Variants in NCKAP5 observed in about 807,000 individuals in gnomAD.
The protein encoded by NCKAP5 is nck-associated protein 5.
NCKAP5 carries 92 observed loss-of-function variants against 167.0 expected under a neutral mutation model. The ratio of observed to expected loss-of-function variants is 0.55; its 90% CI spans 0.47 to 0.66. The LOEUF is 0.66. Among genes scored for constraint, NCKAP5 ranks in the 30% least tolerant of loss-of-function variants. The pLI, the probability that NCKAP5 is intolerant of heterozygous loss-of-function variation, is 0.00. For synonymous variants in NCKAP5, 891 were observed against 877.4 expected (o/e 1.02, Z -0.27); for missense variants, 2,378 against 2,315.0 (o/e 1.03, Z -0.56).
chr2:133,631,836 G>A, the NCKAP5 span, among the ~76,000 whole-genome samples: 1 of 152,200 alleles, frequency 6.6e-6, no homozygotes, highest in Admixed American at 6.5e-5. Context: ...AATAGTAAAT[G>A]AAAACTGAAG....
chr2:132,696,554 G>A (rs1363673238), intron 19 of NCKAP5, among the ~76,000 whole-genome samples: 1 of 152,128 alleles, frequency 6.6e-6, no homozygotes, highest in Non-Finnish European at 1.5e-5. Context: ...ATGGTGAGAG[G>A]TTCAGCCAAG....
intron 11 of NCKAP5, among the ~76,000 whole-genome samples, chr2:132,848,493 T>A (rs1266299152): frequency 6.6e-6 from 1 of 152,214 alleles, no homozygotes; most frequent in Non-Finnish European, 1.5e-5. Flanking sequence ...GCAAGGCTTA[T>A]TGGAACACAT....
At chr2:133,017,791 A>T (rs375748299) in intron 6 of NCKAP5, among the ~76,000 whole-genome samples, 1 of 151,270 alleles carries the variant, frequency 6.6e-6, no homozygotes, top group African/African-American at 2.4e-5. Context: ...CACAAAAGAG[A>T]TTTCCCTGGA....
chr2:133,666,186 C>CTTTTTTTTTT, the NCKAP5 span, among the ~76,000 whole-genome samples: 40 of 114,120 alleles, frequency 3.5e-4, no homozygotes, highest in Non-Finnish European at 4.3e-4. Flanking sequence ...GATCTACATC[C>CTTTTTTTTTT]TTTTTTTTTT....
chr2:132,873,256 A>G (rs1350380280), intron 9 of NCKAP5, among the ~76,000 whole-genome samples: 1 of 151,810 alleles, frequency 6.6e-6, no homozygotes, highest in Non-Finnish European at 1.5e-5. Flanking sequence ...GGCGCCCACC[A>G]CCATGCCCAG....
intron 6 of NCKAP5, among the ~76,000 whole-genome samples, chr2:133,016,820 A>T (rs2078354940): frequency 6.6e-6 from 1 of 151,362 alleles, no homozygotes; most frequent in East Asian, 1.9e-4. Context: ...TTCCTCACTA[A>T]AAAAAAAATG....
chr2:132,747,179 A>AAAC (rs1553488478), intron 16 of NCKAP5, among the ~76,000 whole-genome samples: 13 of 152,112 alleles, frequency 8.5e-5, no homozygotes, highest in East Asian at 7.7e-4. Context: ...GCCAAAAAAA[A>AAAC]AAAACAAAAC....
intron 3 of NCKAP5, among the ~76,000 whole-genome samples, chr2:133,418,812 A>T (rs181449344): frequency 7.9e-4 from 120 of 152,338 alleles, no homozygotes; most frequent in African/African-American, 2.2e-3. Context: ...AGTCTTAAAG[A>T]ACTTTTGAAA....
At position 132,781,002 on chromosome 2, in the gene NCKAP5, C is replaced by T. The variant is rs1253088598; in HGVS notation, c.5049+50G>A. The T allele has an allele frequency of 1.9e-6, 3 of 1,573,038 alleles. No homozygotes were observed. In the Admixed American group the frequency reaches 5.4e-5, roughly 28 times the overall value. ...TAGCAAACGGTAGAAAGACCCCAGC[C>T]AGAACATCTCAGATTGTAGCACTTG... On this transcript the variant is annotated intron_variant, in intron 15 of 19. Transcript: ENST00000409261.
chr2:133,410,435 C>T (rs1688703688), intron 3 of NCKAP5, among the ~76,000 whole-genome samples: 1 of 152,196 alleles, frequency 6.6e-6, no homozygotes, highest in East Asian at 1.9e-4. Flanking sequence ...GTTTAGTTTC[C>T]TCCATATACT....
At chr2:132,938,507 G>A (rs1348765509) in intron 8 of NCKAP5, among the ~76,000 whole-genome samples, 1 of 152,152 alleles carries the variant, frequency 6.6e-6, no homozygotes, top group Non-Finnish European at 1.5e-5. Flanking sequence ...GGCTGGCCAT[G>A]TCATCTCAGA....
chr2:132,770,072 G>A (rs980391480), intron 16 of NCKAP5, among the ~76,000 whole-genome samples: 30 of 152,240 alleles, frequency 2.0e-4, no homozygotes, highest in African/African-American at 6.0e-4. Context: ...TGATTCTTGT[G>A]CAGTTTACTG....
chr2:133,539,483 C>A (rs1686049411), intron 2 of NCKAP5, among the ~76,000 whole-genome samples: 1 of 151,706 alleles, frequency 6.6e-6, no homozygotes, highest in Non-Finnish European at 1.5e-5. Context: ...CAATGAAAAG[C>A]TAAAACTGAC....
At chr2:132,748,289 C>A (rs1679818429) in intron 16 of NCKAP5, among the ~76,000 whole-genome samples, 1 of 152,326 alleles carries the variant, frequency 6.6e-6, no homozygotes, top group South Asian at 2.1e-4. Flanking sequence ...GTCATAAACT[C>A]ATTCCCAGAC....
chr2:133,670,314 C>T, the NCKAP5 span, among the ~76,000 whole-genome samples: 1 of 152,198 alleles, frequency 6.6e-6, no homozygotes, highest in Non-Finnish European at 1.5e-5. Flanking sequence ...TGAATACTCC[C>T]ATCCCTGAGC....
intron 6 of NCKAP5, among the ~76,000 whole-genome samples, chr2:133,071,339 G>A (rs1417124666): frequency 2.0e-5 from 3 of 151,938 alleles, no homozygotes; most frequent in East Asian, 1.9e-4. Flanking sequence ...CAGCTACTTG[G>A]GAGGCTGAGG....
At chr2:133,078,003 G>C (rs1276613702) in intron 6 of NCKAP5, among the ~76,000 whole-genome samples, 1 of 152,174 alleles carries the variant, frequency 6.6e-6, no homozygotes, top group Non-Finnish European at 1.5e-5. Flanking sequence ...TGAAAAGTGA[G>C]GTTAAGAGAC....
In NCKAP5 at chr2:133,472,688, C is replaced by G. The variant is rs147835741; in HGVS notation, c.69+44770G>C. ...ATGTACCATGTAATCACATTAACTC[C>G]TCAAATATTTTCCCAAACACTAAAC... On this transcript the variant is annotated intron_variant, in intron 3 of 19. Transcript: ENST00000409261. 2.6e-3 allele frequency among the ~76,000 whole-genome samples: 397 copies of G among 152,248 alleles called. 4 individuals are homozygous for G. The highest frequency in any genetic ancestry group is 9.1e-3 in the African/African-American group (377 of 41,550).
intron 6 of NCKAP5, 133 bp from the exon 7 acceptor site, chr2:132,994,372 A>C (rs1471612760): frequency 6.2e-6 from 4 of 640,636 alleles, no homozygotes; most frequent in Non-Finnish European, 1.1e-5. Context: ...TCTCTACTTC[A>C]TCTTCTATCA....
Sources: allele counts gnomAD v4.1 joint callset (sites outside exome capture counted in the v4.1 genomes callset), GRCh38; gene constraint gnomAD v4.1.1; transcripts MANE v1.5; gene names NCBI Gene and HGNC (gene_info 2026-07-23, HGNC 2026-07-21).